DPP10: variants seen among roughly 807,000 people sequenced by gnomAD.
The protein encoded by DPP10 is inactive dipeptidyl peptidase 10.
A neutral mutation model predicts 120.9 loss-of-function variants in DPP10; 33 were observed. The observed-to-expected ratio is 0.27, with a 90% CI of 0.21 to 0.37. The LOEUF is 0.37. DPP10 is among the 10% of genes least tolerant of loss of function. The pLI is 1.00. For missense variants in DPP10, 816 were observed against 942.8 expected, an observed-to-expected ratio of 0.87 and a Z score of 1.76; for synonymous variants, 337 against 326.1, an observed-to-expected ratio of 1.03 and a Z score of -0.36.
chr2:115,643,319 C>T (rs563996125), intron 5 of DPP10, among the ~76,000 whole-genome samples: 1 of 152,178 alleles, frequency 6.6e-6, no homozygotes, highest in South Asian at 2.1e-4. Context: ...TTGGCTACTT[C>T]GGCTGCAATA....
At chr2:114,544,294 G>A (rs1687196954) in intron 1 of DPP10, among the ~76,000 whole-genome samples, 1 of 152,192 alleles carries the variant, frequency 6.6e-6, no homozygotes, top group East Asian at 1.9e-4. Flanking sequence ...GCCCCACGAG[G>A]CAAGAACGCT....
At chr2:115,649,077 A>G (rs1460380469) in intron 5 of DPP10, among the ~76,000 whole-genome samples, 1 of 152,106 alleles carries the variant, frequency 6.6e-6, no homozygotes, top group African/African-American at 2.4e-5. Context: ...GAAAAACAAA[A>G]CCAGAGAAAA....
At position 115,415,841 on chromosome 2, in the gene DPP10, TTATATATATATA is replaced by T. The variant is rs70941057; in HGVS notation, c.271+71953_271+71964del. Among the ~76,000 whole-genome samples the T allele has an allele frequency of 9.6e-3, 714 of 74,288 alleles. 18 individuals carry two copies. The highest frequency in any genetic ancestry group is 0.033 in the African/African-American group (649 of 19,526). The allele number at this position is 74,288 out of a possible 152,430, so 48.7% of individuals were successfully genotyped here. On this transcript the variant is annotated intron_variant, in intron 3 of 25. Transcript: ENST00000410059. Reference sequence around the variant, plus strand: ...ATCTGTCTTTATACCTGATTTGCTTTTATATATATATATATATATATATATATATATATATGC... The same window carrying T: ...ATCTGTCTTTATACCTGATTTGCTTTTATATATATATATATATATATATGC...
chr2:114,713,917 G>C (rs574335403), intron 1 of DPP10, among the ~76,000 whole-genome samples: 3 of 151,610 alleles, frequency 2.0e-5, no homozygotes, highest in Non-Finnish European at 4.4e-5. Context: ...CTCAGGAGGC[G>C]GAGGTTGCAG....
At chr2:115,194,099 T>C (rs975231702) in intron 1 of DPP10, among the ~76,000 whole-genome samples, 4 of 152,346 alleles carry the variant, frequency 2.6e-5, no homozygotes, top group Middle Eastern at 3.4e-3. Flanking sequence ...AGTTCTGACC[T>C]TGTGAGGTGT....
At chr2:115,202,910 G>A (rs191267501) in intron 1 of DPP10, among the ~76,000 whole-genome samples, 2 of 152,244 alleles carry the variant, frequency 1.3e-5, no homozygotes, top group Admixed American at 6.5e-5. Flanking sequence ...TTGTTTGACT[G>A]CCTAATGGGC....
intron 1 of DPP10, among the ~76,000 whole-genome samples, chr2:114,642,844 C>T (rs189804133): frequency 5.0e-4 from 76 of 152,084 alleles, no homozygotes; most frequent in Non-Finnish European, 4.9e-4. Flanking sequence ...ACCCAGATCT[C>T]ATGACTCCAA....
chr2:114,616,919 A>G (rs956407199), intron 1 of DPP10, among the ~76,000 whole-genome samples: 2 of 152,130 alleles, frequency 1.3e-5, no homozygotes, highest in Non-Finnish European at 2.9e-5. Context: ...ACTTCTCAGC[A>G]TGACCTATGA....
intron 1 of DPP10, among the ~76,000 whole-genome samples, chr2:114,979,785 G>T (rs1699972797): frequency 6.6e-6 from 1 of 151,872 alleles, no homozygotes; most frequent in African/African-American, 2.4e-5. Context: ...AAATTAGTAG[G>T]AAATAATCAC....
intron 1 of DPP10, among the ~76,000 whole-genome samples, chr2:115,211,401 G>C (rs1203233197): frequency 2.0e-5 from 3 of 152,016 alleles, no homozygotes; most frequent in Admixed American, 2.0e-4. Flanking sequence ...ACCTAGGAAG[G>C]CCTGAATAAA....
intron 1 of DPP10, among the ~76,000 whole-genome samples, chr2:114,452,354 A>G (rs530425073): frequency 6.6e-6 from 1 of 152,258 alleles, no homozygotes; most frequent in East Asian, 1.9e-4. Context: ...GATCAGTTCC[A>G]AGTGGTCGGG....
chr2:115,359,129 G>A (rs2064603823), intron 3 of DPP10, among the ~76,000 whole-genome samples: 2 of 152,246 alleles, frequency 1.3e-5, no homozygotes, highest in African/African-American at 2.4e-5. Flanking sequence ...TAGATCATTT[G>A]CATTCATCGT....
At position 115,244,231 on chromosome 2, in the gene DPP10, TATATATATAGAGAGAG is replaced by T. The variant is rs1192209456; in HGVS notation, c.61-65006_61-64991del. Among the ~76,000 whole-genome samples, 211 of 39,372 alleles carry T rather than the reference TATATATATAGAGAGAG, an allele frequency of 5.4e-3. 1 individual carries two copies. Among genetic ancestry groups the T allele is most frequent in the East Asian group, 0.037 (77 of 2,102 alleles). 25.8% of individuals were successfully genotyped at this position (39,372 alleles called of 152,430 possible). A position where few individuals can be genotyped will look rare whatever the true frequency, so the allele number is the denominator to read the frequency against. ...ATATGTGTGTGTATATATATATATA[TATATATATAGAGAGAG>T]AGAGAGAGAGAGAGAGAGAGAGAGA... On this transcript the variant is annotated intron_variant, in intron 1 of 25. Coordinates refer to ENST00000410059, the MANE Select transcript of DPP10 (RefSeq NM_020868.6).
At chr2:114,665,478 A>G (rs10175018) in intron 1 of DPP10, among the ~76,000 whole-genome samples, 49,521 of 151,944 alleles carry the variant, frequency 0.33, 11,103 homozygotes, top group African/African-American at 0.63. Flanking sequence ...TGCTGTGTCC[A>G]TTGCAGGTTC....
intron 1 of DPP10, among the ~76,000 whole-genome samples, chr2:114,489,903 A>T (rs1306863565): frequency 6.6e-6 from 1 of 152,246 alleles, no homozygotes; most frequent in Admixed American, 6.5e-5. Flanking sequence ...AGTTCTCTCA[A>T]CTGTGAACTG....
chr2:115,130,631 A>G (rs1207589611), intron 1 of DPP10, among the ~76,000 whole-genome samples: 3 of 152,142 alleles, frequency 2.0e-5, no homozygotes, highest in Non-Finnish European at 4.4e-5. Context: ...CCAGATCCAG[A>G]GCTACTGATT....
intron 1 of DPP10, among the ~76,000 whole-genome samples, chr2:115,070,475 T>C (rs1393101903): frequency 6.6e-6 from 1 of 152,134 alleles, no homozygotes; most frequent in Middle Eastern, 3.2e-3. Flanking sequence ...TCAAATCACA[T>C]AAACTAATTC....
At chr2:115,434,062 G>A (rs2071251561) in intron 3 of DPP10, among the ~76,000 whole-genome samples, 1 of 152,006 alleles carries the variant, frequency 6.6e-6, no homozygotes, top group Non-Finnish European at 1.5e-5. Context: ...ATAGGCTCAG[G>A]TAGTAATATT....
chr2:114,846,360 T>G (rs1688546885), intron 1 of DPP10, among the ~76,000 whole-genome samples: 2 of 152,158 alleles, frequency 1.3e-5, no homozygotes, highest in African/African-American at 4.8e-5. Context: ...AGAGGAAGAC[T>G]ATGGGGTTCT....
Sources: gnomAD v4.1 joint callset for allele counts (sites outside exome capture counted in the v4.1 genomes callset) on GRCh38, gnomAD v4.1.1 for gene constraint, MANE v1.5 for transcripts, NCBI Gene and HGNC (gene_info 2026-07-23, HGNC 2026-07-21) for gene names.